GRID1: variants seen among roughly 807,000 people sequenced by gnomAD.
The protein encoded by GRID1 is glutamate receptor ionotropic, delta-1.
Under a neutral mutation model 98.0 loss-of-function variants are expected in GRID1, and 28 were observed. That is an observed-to-expected ratio of 0.29 (90% CI 0.21 to 0.39). The LOEUF (loss-of-function observed/expected upper bound fraction) is 0.39, where lower values mean the gene tolerates loss of function less well. Ranked by LOEUF, GRID1 falls within the 10% of genes least tolerant of loss-of-function variation. The probability of loss-of-function intolerance (pLI) is 1.00; values close to 1 mark genes in which losing one functional copy is unlikely to be tolerated. For synonymous variants in GRID1, 553 were observed against 538.5 expected (o/e 1.03, Z -0.37); for missense variants, 1,111 against 1,340.5 (o/e 0.83, Z 2.67).
intron 4 of GRID1, among the ~76,000 whole-genome samples, chr10:86,025,899 C>CA (rs1447580581): frequency 2.0e-5 from 3 of 152,232 alleles, no homozygotes; most frequent in Non-Finnish European, 4.4e-5. Context: ...TTGAAAAACA[C>CA]ACCTCTGTTC....
intron 3 of GRID1, among the ~76,000 whole-genome samples, chr10:86,158,233 C>A (rs879548321): frequency 1.3e-5 from 2 of 152,174 alleles, no homozygotes; most frequent in Non-Finnish European, 2.9e-5. Context: ...GCTTCACCAT[C>A]CATCAACTAA....
chr10:86,139,174 G>T (rs1447532273), intron 3 of GRID1, 150 bp from the exon 4 acceptor site: 2 of 634,938 alleles, frequency 3.1e-6, no homozygotes, highest in Non-Finnish European at 5.6e-6. Flanking sequence ...GTAAACAGAG[G>T]TTGGAGGACG....
At chr10:85,733,610 G>A (rs915819279) in intron 8 of GRID1, among the ~76,000 whole-genome samples, 11 of 152,154 alleles carry the variant, frequency 7.2e-5, no homozygotes, top group Non-Finnish European at 8.8e-5. Flanking sequence ...GATTACAGGC[G>A]TGAGCCACTG....
At chr10:85,710,706 T>C (rs771787845) in intron 12 of GRID1, among the ~76,000 whole-genome samples, 1 of 152,066 alleles carries the variant, frequency 6.6e-6, no homozygotes, top group Non-Finnish European at 1.5e-5. Flanking sequence ...GTAAATCATA[T>C]ATATGATAAT....
At chr10:86,131,381 C>T (rs975060802) in intron 4 of GRID1, among the ~76,000 whole-genome samples, 17 of 152,274 alleles carry the variant, frequency 1.1e-4, no homozygotes, top group African/African-American at 3.4e-4. Context: ...GCCTATTTCT[C>T]ATGTCTGCTG....
At position 85,637,543 on chromosome 10, in the gene GRID1, C is replaced by T. The variant is rs141091450; in HGVS notation, c.2193+9659G>A. On this transcript the variant is annotated intron_variant, in intron 13 of 15. Transcript: ENST00000327946. ...GTGAAAAGACCACTGCCCTCATTCTCCTACAAGGAAGCTACACATTTAGTA... is the reference window on the plus strand; with the variant it reads ...GTGAAAAGACCACTGCCCTCATTCTTCTACAAGGAAGCTACACATTTAGTA... Among the ~76,000 whole-genome samples, 12 of 152,318 alleles carry T rather than the reference C, an allele frequency of 7.9e-5. No homozygotes were observed. In the East Asian group the frequency reaches 1.7e-3, roughly 22 times the overall value.
chr10:85,790,749 G>A (rs1222265722), intron 8 of GRID1, among the ~76,000 whole-genome samples: 2 of 152,216 alleles, frequency 1.3e-5, no homozygotes, highest in African/African-American at 2.4e-5. Context: ...ATCTGAGACA[G>A]AGAACAGCAG....
chr10:86,329,082 G>A (rs1848098870), intron 2 of GRID1, among the ~76,000 whole-genome samples: 1 of 152,208 alleles, frequency 6.6e-6, no homozygotes, highest in African/African-American at 2.4e-5. Flanking sequence ...CCCTGGCTCA[G>A]AGAAAGAAGC....
At chr10:86,284,060 A>G (rs1248976444) in intron 2 of GRID1, among the ~76,000 whole-genome samples, 2 of 151,190 alleles carry the variant, frequency 1.3e-5, no homozygotes, top group Non-Finnish European at 2.9e-5. Context: ...ACACCTGCAT[A>G]TACATACCTG....
chr10:85,701,761 A>G (rs545913774), intron 12 of GRID1, among the ~76,000 whole-genome samples: 1 of 152,300 alleles, frequency 6.6e-6, no homozygotes, highest in South Asian at 2.1e-4. Context: ...TCTCACTGAT[A>G]TGTGAGAGCT....
intron 3 of GRID1, among the ~76,000 whole-genome samples, chr10:86,189,575 C>T (rs988264673): frequency 3.3e-5 from 5 of 152,038 alleles, no homozygotes; most frequent in Admixed American, 2.0e-4. Flanking sequence ...ACTAAAAACA[C>T]AACTTTATAG....
intron 4 of GRID1, among the ~76,000 whole-genome samples, chr10:85,948,223 T>C (rs943954514): frequency 1.3e-5 from 2 of 152,238 alleles, no homozygotes; most frequent in Non-Finnish European, 2.9e-5. Context: ...AGTAAGGGGA[T>C]AGATAAGAAC....
chr10:85,900,851 T>C (rs1438054752), intron 5 of GRID1, among the ~76,000 whole-genome samples: 1 of 152,176 alleles, frequency 6.6e-6, no homozygotes, highest in Admixed American at 6.5e-5. Context: ...AAGAGTTACA[T>C]ATCATGGGAG....
At chr10:85,652,995 C>G (rs938458403) in intron 12 of GRID1, among the ~76,000 whole-genome samples, 1 of 152,186 alleles carries the variant, frequency 6.6e-6, no homozygotes, top group Non-Finnish European at 1.5e-5. Flanking sequence ...AATACAATAA[C>G]TAGGTAATGC....
intron 14 of GRID1, among the ~76,000 whole-genome samples, chr10:85,618,062 T>A (rs1842812487): frequency 6.6e-6 from 1 of 152,198 alleles, no homozygotes; most frequent in Non-Finnish European, 1.5e-5. Flanking sequence ...CAGGTTCTGC[T>A]CTGACCTAAT....
rs1279466638 is a variant in GRID1, at chr10:85,773,484, C to G, written c.1234-43870G>C. ...GGAAGTTCTGGCCAGGGCAATTAGG[C>G]AAGAGAAGGAAATAAAGGTTATTCA... is the stretch of plus-strand genomic sequence containing the variant. On this transcript the variant is annotated intron_variant, in intron 8 of 15. Coordinates refer to ENST00000327946, the MANE Select transcript of GRID1 (RefSeq NM_017551.3). 2.0e-5 allele frequency among the ~76,000 whole-genome samples: 3 copies of G among 152,230 alleles called. No homozygotes were observed. The East Asian group carries it at 5.8e-4, about 29-fold the overall frequency.
chr10:86,321,849 T>C (rs1847975369), intron 2 of GRID1, among the ~76,000 whole-genome samples: 8 of 152,158 alleles, frequency 5.3e-5, no homozygotes, highest in South Asian at 4.1e-4. Flanking sequence ...GCTCTTCCCA[T>C]CCAGTATGTG....
chr10:85,763,608 C>T (rs1842169483), intron 8 of GRID1, among the ~76,000 whole-genome samples: 1 of 152,238 alleles, frequency 6.6e-6, no homozygotes, highest in African/African-American at 2.4e-5. Context: ...ATTTGTAATG[C>T]ACATTTTTAC....
intron 8 of GRID1, among the ~76,000 whole-genome samples, chr10:85,807,552 C>T (rs1168085000): frequency 6.6e-6 from 1 of 151,626 alleles, no homozygotes; most frequent in African/African-American, 2.4e-5. Context: ...GATAAATATT[C>T]CCGTAGAAAA....
Sources: allele counts gnomAD v4.1 joint callset (sites outside exome capture counted in the v4.1 genomes callset), GRCh38; gene constraint gnomAD v4.1.1; transcripts MANE v1.5; gene names NCBI Gene and HGNC (gene_info 2026-07-23, HGNC 2026-07-21).